METAP1D: variants seen among roughly 807,000 people sequenced by gnomAD.
The protein encoded by METAP1D is methionine aminopeptidase 1D, mitochondrial.
A neutral mutation model predicts 40.5 loss-of-function variants in METAP1D; 31 were observed. The observed-to-expected ratio is 0.77, with a 90% CI of 0.58 to 1.03. The LOEUF (loss-of-function observed/expected upper bound fraction) is 1.03. METAP1D is among the 50% of genes least tolerant of loss of function. The probability of loss-of-function intolerance (pLI) is 0.00; values close to 1 mark genes in which losing one functional copy is unlikely to be tolerated. For missense variants in METAP1D, 411 were observed against 420.7 expected, an observed-to-expected ratio of 0.98 and a Z score of 0.20; for synonymous variants, 151 against 146.4, an observed-to-expected ratio of 1.03 and a Z score of -0.22.
intron 1 of METAP1D, among the ~76,000 whole-genome samples, chr2:172,045,688 C>A: frequency 1.1e-5 from 1 of 87,416 alleles, no homozygotes; most frequent in Admixed American, 1.1e-4. Flanking sequence ...AAAAAAGGAT[C>A]ATTCATATAT....
chr2:172,045,697 A>ATGTG (rs1484116141), intron 1 of METAP1D, among the ~76,000 whole-genome samples: 2 of 65,918 alleles, frequency 3.0e-5, no homozygotes, highest in Admixed American at 1.3e-4. Context: ...TCATTCATAT[A>ATGTG]TATGTGTGTG....
chr2:172,039,294 G>T (rs1689461884), intron 1 of METAP1D, among the ~76,000 whole-genome samples: 1 of 152,146 alleles, frequency 6.6e-6, no homozygotes, highest in African/African-American at 2.4e-5. Context: ...GTCATACTGT[G>T]CTCAGAAATA....
chr2:172,009,045 C>CTT (rs200696505), intron 1 of METAP1D, among the ~76,000 whole-genome samples: 3 of 144,466 alleles, frequency 2.1e-5, no homozygotes, highest in South Asian at 2.2e-4. Flanking sequence ...AATTTTCTTT[C>CTT]TTTTTTTTTT....
chr2:171,999,998 T>C lies in METAP1D; in HGVS notation c.29T>C (p.Leu10Pro). 1.5e-6 allele frequency: 2 copies of C among 1,341,734 alleles called. No homozygotes were observed. Among genetic ancestry groups the C allele is most frequent in the South Asian group, 1.9e-5 (1 of 52,654 alleles). The allele number at this position is 1,341,734 out of a possible 1,614,324, so 83.1% of individuals were successfully genotyped here. MAAPSGVHL[L>P]VRRGSHRIFS... is the part of the protein sequence containing the mutation. ...GCGGCGCCCAGTGGCGTCCACCTGC[T>C]CGTCCGCAGAGGTAAGCGCGTGGAG... Residue 10 changes from leucine (L) to proline (P), a missense_variant, in exon 1 of 10, where the codon CTC (leucine) becomes CCC (proline). Leu to Pro is a moderately conservative substitution (Grantham distance 98, BLOSUM62 -3). Coordinates refer to ENST00000315796, the MANE Select transcript of METAP1D (RefSeq NM_199227.3).
chr2:172,030,577 A>C (rs1689219441), intron 1 of METAP1D, among the ~76,000 whole-genome samples: 2 of 152,210 alleles, frequency 1.3e-5, no homozygotes, highest in Non-Finnish European at 2.9e-5. Flanking sequence ...ACTGGAAAGC[A>C]TCTTTCTAAA....
At chr2:172,024,762 G>GTGTGTGTGTGTA (rs1553491386) in intron 1 of METAP1D, among the ~76,000 whole-genome samples, 2 of 150,430 alleles carry the variant, frequency 1.3e-5, no homozygotes, top group Non-Finnish European at 1.5e-5. Context: ...GTGTGTGTGT[G>GTGTGTGTGTGTA]TGTGTGTGTG....
At position 172,080,636 on chromosome 2, in the gene METAP1D, G is replaced by C; in HGVS notation, c.*230G>C. 5.0e-6 allele frequency: 3 copies of C among 602,470 alleles called. No homozygotes were observed. The highest frequency in any genetic ancestry group is 8.8e-6 in the Non-Finnish European group (3 of 340,466). 37.3% of individuals were successfully genotyped at this position (602,470 alleles called of 1,614,324 possible). A position where few individuals can be genotyped will look rare whatever the true frequency, so the allele number is the denominator to read the frequency against. On this transcript the variant is annotated 3_prime_UTR_variant, in exon 10 of 10. Transcript: ENST00000315796. The stretch of plus-strand genomic sequence containing the variant: ...AAAAACAAATCCTGGCCCTGGACTC[G>C]GTTTCCCAGCGCGGTCAACGCATCT...
chr2:172,011,680 C>T (rs1225749934), intron 1 of METAP1D, among the ~76,000 whole-genome samples: 3 of 152,190 alleles, frequency 2.0e-5, no homozygotes, highest in African/African-American at 2.4e-5. Flanking sequence ...TTTCATTTAG[C>T]ATGATGTTTT....
Position 172,069,503 on chromosome 2 carries a change from C to T in METAP1D, c.541-1404C>T, listed in dbSNP as rs186185006. Among the ~76,000 whole-genome samples, 3 of 152,278 alleles carry T rather than the reference C, an allele frequency of 2.0e-5. No individual in the cohort carries two copies. The East Asian group carries it at 5.8e-4, about 29-fold the overall frequency. On this transcript the variant is annotated intron_variant, in intron 5 of 9. Coordinates refer to ENST00000315796, the MANE Select transcript of METAP1D (RefSeq NM_199227.3). Reference sequence around the variant, plus strand: ...GTTTCCAATGTGTCCAAAGAGAATACTCTATTCCTTTTCTAAGTTTCCTGA... The same window carrying T: ...GTTTCCAATGTGTCCAAAGAGAATATTCTATTCCTTTTCTAAGTTTCCTGA...
intron 1 of METAP1D, among the ~76,000 whole-genome samples, chr2:172,025,799 G>A (rs1163121104): frequency 6.6e-6 from 1 of 152,022 alleles, no homozygotes; most frequent in Non-Finnish European, 1.5e-5. Context: ...CAAACTCCTG[G>A]ACTCAGCGTG....
chr2:172,055,001 C>A (rs543197964), intron 1 of METAP1D, among the ~76,000 whole-genome samples: 8 of 152,234 alleles, frequency 5.3e-5, no homozygotes, highest in Non-Finnish European at 1.0e-4. Context: ...CTACGATCAT[C>A]TCTTGCAAGA....
At chr2:172,060,862 G>A (rs540966242) in intron 1 of METAP1D, among the ~76,000 whole-genome samples, 1 of 152,344 alleles carries the variant, frequency 6.6e-6, no homozygotes, top group South Asian at 2.1e-4. Context: ...ATGAACTGCT[G>A]AGTCAAAGGA....
intron 5 of METAP1D, 56 bp downstream of exon 5, chr2:172,066,362 A>G: frequency 7.1e-7 from 1 of 1,413,904 alleles, no homozygotes; most frequent in Non-Finnish European, 9.9e-7. Flanking sequence ...GCTGGTAGCA[A>G]CAGGAAGAGT....
chr2:172,041,302 T>C (rs956657945), intron 1 of METAP1D, among the ~76,000 whole-genome samples: 1 of 149,002 alleles, frequency 6.7e-6, no homozygotes, highest in African/African-American at 2.4e-5. Flanking sequence ...CTACTAAAAA[T>C]ACAAAAATTA....
chr2:172,021,319 T>C (rs150268644), intron 1 of METAP1D, among the ~76,000 whole-genome samples: 4 of 152,344 alleles, frequency 2.6e-5, no homozygotes, highest in Non-Finnish European at 5.9e-5. Flanking sequence ...AGAAGCAGTC[T>C]GTTTCTGCAG....
At chr2:172,070,070 A>G (rs1690387640) in intron 5 of METAP1D, among the ~76,000 whole-genome samples, 1 of 152,190 alleles carries the variant, frequency 6.6e-6, no homozygotes, top group South Asian at 2.1e-4. Context: ...ATGCTACATC[A>G]AAGGATCAGT....
chr2:172,079,109 A>G, intron 7 of METAP1D, 106 bp from the exon 8 acceptor site: 1 of 1,147,988 alleles, frequency 8.7e-7, no homozygotes. Flanking sequence ...AAAAGAAGAG[A>G]AATAAAACGA....
rs559194987 is a variant in METAP1D at position 172,079,195 on chromosome 2, C to T, written c.803-20C>T. The T allele has an allele frequency of 1.2e-6, 2 of 1,613,628 alleles. No individual in the cohort carries two copies. The highest frequency in any genetic ancestry group is 1.3e-5 in the African/African-American group (1 of 75,008). On this transcript the variant is annotated intron_variant, in intron 7 of 9. Transcript: ENST00000315796. The stretch of plus-strand genomic sequence containing the variant: ...CCTCCCCATTTCCTATTCTCACCCC[C>T]CATGTTTTTTGTTTTGCAGCAAACG...
At chr2:172,018,971 A>C (rs1206882679) in intron 1 of METAP1D, among the ~76,000 whole-genome samples, 4 of 152,190 alleles carry the variant, frequency 2.6e-5, no homozygotes, top group Non-Finnish European at 5.9e-5. Flanking sequence ...GAGGGTTTTA[A>C]ATCCCCCACT....
Sources: gnomAD v4.1 joint callset for allele counts (sites outside exome capture counted in the v4.1 genomes callset) on GRCh38, gnomAD v4.1.1 for gene constraint, MANE v1.5 for transcripts, NCBI Gene and HGNC (gene_info 2026-07-23, HGNC 2026-07-21) for gene names.